The following HBP1 variants were observed in gnomAD, a reference collection of about 807,000 sequenced individuals.
The protein encoded by HBP1 is HMG box-containing protein 1.
A neutral mutation model predicts 62.6 loss-of-function variants in HBP1; 20 were observed. That is an observed-to-expected ratio of 0.32 (90% CI 0.22 to 0.46). The LOEUF (loss-of-function observed/expected upper bound fraction) is 0.46, where lower values mean the gene tolerates loss of function less well. Among genes scored for constraint, HBP1 ranks in the 20% least tolerant of loss-of-function variants. HBP1 has a pLI of 1.00. For synonymous variants in HBP1, 232 were observed against 206.2 expected, an observed-to-expected ratio of 1.12 and a Z score of -1.07; for missense variants, 480 against 611.8, an observed-to-expected ratio of 0.78 and a Z score of 2.27.
At chr7:107,174,496 A>G (rs1796743965) in intron 1 of HBP1, 2 of 985,224 alleles carry the variant, frequency 2.0e-6, no homozygotes, top group Admixed American at 6.1e-5. Flanking sequence ...TGAAGAAATG[A>G]TAGAAGTTGC....
At chr7:107,195,753 T>C (rs1797869265) in intron 8 of HBP1, 81 bp from the exon 9 acceptor site, 2 of 625,448 alleles carry the variant, frequency 3.2e-6, no homozygotes, top group Non-Finnish European at 4.7e-6. Context: ...ATGTTTTCTT[T>C]TTTTTTTTTT....
In HBP1 at chr7:107,190,211, C is replaced by T. The variant is rs1371651621; in HGVS notation, c.961C>T (p.His321Tyr). The change falls in exon 8 of 11, where the codon CAT becomes TAT. Residue 321 changes from histidine to tyrosine, a missense_variant. Coordinates refer to ENST00000222574, the MANE Select transcript of HBP1 (RefSeq NM_012257.4). Reference protein sequence around the residue: ...SFYPSLTVVQHGIPCCEVHIG... With the variant: ...SFYPSLTVVQYGIPCCEVHIG... ...TTATCCAAGCTTGACTGTGGTACAG[C>T]ATGGCATTCCATGTTGTGAAGTTCA... 3.7e-6 allele frequency: 6 copies of T among 1,611,384 alleles called. No individual in the cohort carries two copies. The highest frequency in any genetic ancestry group is 2.2e-5 in the East Asian group (1 of 44,790).
chr7:107,182,241 T>C, intron 2 of HBP1, 132 bp from the exon 3 acceptor site: 1 of 615,820 alleles, frequency 1.6e-6, no homozygotes, highest in South Asian at 2.0e-5. Flanking sequence ...GTGAACAGAA[T>C]GTTAAATTTA....
chr7:107,194,082 TG>T (rs1402871581), intron 8 of HBP1, among the ~76,000 whole-genome samples: 8 of 152,204 alleles, frequency 5.3e-5, no homozygotes, highest in African/African-American at 1.9e-4. Flanking sequence ...GTGAAGAGAA[TG>T]AATGCTTACC....
intron 6 of HBP1, 64 bp from the exon 7 acceptor site, chr7:107,189,228 G>A (rs1797531612): frequency 7.4e-7 from 1 of 1,349,764 alleles, no homozygotes; most frequent in African/African-American, 1.5e-5. Context: ...TACATGTAAT[G>A]GGAACTTCAC....
chr7:107,179,970 C>A lies in HBP1; in HGVS notation c.77C>A (p.Ser26Ter). ...KLLLVMDKRASGMNDSLELLQ... is the reference protein window; with the variant it reads ...KLLLVMDKRA ...CTGTTGGTGATGGACAAGAGAGCCT[C>A]AGGAATGAATGACTCATTGGAGTTG... The change falls in exon 2 of 11, where the codon TCA becomes TAA. Residue 26 changes from serine to a stop codon, truncating the protein, a stop_gained. Coordinates refer to ENST00000222574, the MANE Select transcript of HBP1 (RefSeq NM_012257.4). LOFTEE classifies it high-confidence loss of function. 1 of 1,611,736 alleles carries A rather than the reference C, an allele frequency of 6.2e-7. No homozygotes were observed. The highest frequency in any genetic ancestry group is 8.5e-7 in the Non-Finnish European group (1 of 1,178,040).
chr7:107,189,920 G>A, intron 7 of HBP1: 1 of 328,026 alleles, frequency 3.0e-6, no homozygotes, highest in Non-Finnish European at 5.5e-6. Context: ...TAGACGGATG[G>A]AAGTGCTGAT....
At chr7:107,183,399 C>T (rs564303180) in intron 3 of HBP1, among the ~76,000 whole-genome samples, 1 of 152,264 alleles carries the variant, frequency 6.6e-6, no homozygotes, top group Admixed American at 6.5e-5. Context: ...TGAAATCTCA[C>T]TTTTCTTGTA....
At chr7:107,178,424 TAA>T (rs60412222) in intron 1 of HBP1, among the ~76,000 whole-genome samples, 23,751 of 152,170 alleles carry the variant, frequency 0.16, 2,300 homozygotes, top group Non-Finnish European at 0.22. Context: ...AAGGGTGAAA[TAA>T]AAGAGACAAC....
chr7:107,186,704 A>G lies in HBP1; in HGVS notation c.765+23A>G, dbSNP rs745871752. 17 of 1,416,962 alleles carry G rather than the reference A, an allele frequency of 1.2e-5. 1 individual carries two copies. The African/African-American group carries it at 1.3e-4, about 11-fold the overall frequency. The allele number at this position is 1,416,962 out of a possible 1,614,324, so 87.8% of individuals were successfully genotyped here. Reference sequence around the variant, plus strand: ...AAGGTTGATTTAAAATTCTTAAAAAATTTTTCAAAATCTTTCCAAATGAAA... The same window carrying G: ...AAGGTTGATTTAAAATTCTTAAAAAGTTTTTCAAAATCTTTCCAAATGAAA... On this transcript the variant is annotated intron_variant, in intron 6 of 10. Coordinates refer to ENST00000222574, the MANE Select transcript of HBP1 (RefSeq NM_012257.4).
intron 9 of HBP1, among the ~76,000 whole-genome samples, chr7:107,198,573 T>TAACA (rs1303139924): frequency 1.1e-4 from 16 of 152,326 alleles, no homozygotes; most frequent in African/African-American, 2.9e-4. Flanking sequence ...ATCAATCATC[T>TAACA]AACATTGAGG....
chr7:107,171,053 A>AACATATACATG (rs1796545685), intron 1 of HBP1, among the ~76,000 whole-genome samples: 7 of 60,888 alleles, frequency 1.1e-4, no homozygotes, highest in Admixed American at 7.1e-4. Flanking sequence ...ATAAATATAT[A>AACATATACATG]TATATATATA....
At chr7:107,177,670 C>A (rs886916772) in intron 1 of HBP1, among the ~76,000 whole-genome samples, 4 of 152,088 alleles carry the variant, frequency 2.6e-5, no homozygotes, top group Admixed American at 2.0e-4. Flanking sequence ...GAAAAAATAA[C>A]ATAGGAAAAT....
In HBP1 at chr7:107,190,237, T is replaced by C. The variant is rs149202822; in HGVS notation, c.987T>C (p.His329=). 8.5e-5 allele frequency: 137 copies of C among 1,611,734 alleles called. No individual in the cohort carries two copies. Among genetic ancestry groups the C allele is most frequent in the Non-Finnish European group, 1.1e-4 (129 of 1,178,086 alleles). ...ATGGCATTCCATGTTGTGAAGTTCA[T>C]ATTGGCGATGTATGTCTACCTCCTG... The part of the protein sequence containing the change: ...VQHGIPCCEV[H]IGDVCLPPGH... Residue 329 remains histidine, a synonymous_variant, in exon 8 of 11, where the codon CAT becomes CAC. Transcript: ENST00000222574.
At chr7:107,182,712 G>C in intron 3 of HBP1, 111 bp downstream of exon 3, 2 of 604,516 alleles carry the variant, frequency 3.3e-6, no homozygotes, top group Admixed American at 5.9e-5. Context: ...TAGAATTTAA[G>C]TCATTAGAAT....
At chr7:107,194,493 T>C (rs969370480) in intron 8 of HBP1, among the ~76,000 whole-genome samples, 27 of 152,338 alleles carry the variant, frequency 1.8e-4, no homozygotes, top group African/African-American at 6.5e-4. Context: ...TTTGGAGTCA[T>C]AGTTTAAGTA....
At chr7:107,199,896 A>C (rs1032561473) in intron 9 of HBP1, among the ~76,000 whole-genome samples, 4 of 152,276 alleles carry the variant, frequency 2.6e-5, no homozygotes, top group African/African-American at 7.2e-5. Flanking sequence ...GACCTTTATC[A>C]AAACTATTTG....
chr7:107,175,074 T>C (rs1584475140), intron 1 of HBP1, among the ~76,000 whole-genome samples: 1 of 146,656 alleles, frequency 6.8e-6, no homozygotes, highest in Admixed American at 6.8e-5. Flanking sequence ...GTGCTCTCTT[T>C]AAAAAAAAAA....
chr7:107,199,920 A>G lies in HBP1; in HGVS notation c.1386-240A>G, dbSNP rs1798142028. 2.0e-5 allele frequency among the ~76,000 whole-genome samples: 3 copies of G among 152,256 alleles called. No individual in the cohort carries two copies. In the South Asian group the frequency reaches 6.2e-4, roughly 31 times the overall value. On this transcript the variant is annotated intron_variant, in intron 9 of 10. Coordinates refer to ENST00000222574, the MANE Select transcript of HBP1 (RefSeq NM_012257.4). Reference sequence around the variant, plus strand: ...CAAAACTATTTGATAGGTTACGGGCACAAATAGATTAGCTTTTAGTACAAG... The same window carrying G: ...CAAAACTATTTGATAGGTTACGGGCGCAAATAGATTAGCTTTTAGTACAAG...
Sources: gnomAD v4.1 joint callset for allele counts (sites outside exome capture counted in the v4.1 genomes callset) on GRCh38, gnomAD v4.1.1 for gene constraint, MANE v1.5 for transcripts, NCBI Gene and HGNC (gene_info 2026-07-23, HGNC 2026-07-21) for gene names.